The following MRPS23 variants were observed in gnomAD, a reference collection of about 807,000 sequenced individuals.
MRPS23 encodes mitochondrial ribosomal protein S23, also known as small ribosomal subunit protein mS23.
In MRPS23, 14 loss-of-function variants were observed where a neutral mutation model predicts 19.8. The observed-to-expected ratio is 0.71, with a 90% confidence interval of 0.47 to 1.11. MRPS23 has a LOEUF of 1.11. Ranked by LOEUF, MRPS23 falls within the 50% of genes least tolerant of loss-of-function variation. The pLI is 0.00. For missense variants in MRPS23, 242 were observed against 236.7 expected (o/e 1.02, Z -0.15); for synonymous variants, 113 against 89.7 (o/e 1.26, Z -1.47).
rs2073711258 is a variant in MRPS23, at chr17:57,837,268, T to C, written c.*2515A>G. The C allele has an allele frequency of 6.6e-6, 1 of 152,210 alleles. No homozygotes were observed. The highest frequency in any genetic ancestry group is 2.4e-5 in the African/African-American group (1 of 41,452). 9.4% of individuals were successfully genotyped at this position (152,210 alleles called of 1,614,324 possible). A position where few individuals can be genotyped will look rare whatever the true frequency, so the allele number is the denominator to read the frequency against. On this transcript the variant is annotated 3_prime_UTR_variant, in exon 5 of 5. Transcript: ENST00000313608. Reference sequence around the variant, plus strand: ...GATCAGAATGTGTAGGGGAACGCATTCTCATACATTGCTATGAGAGTATAG... The same window carrying C: ...GATCAGAATGTGTAGGGGAACGCATCCTCATACATTGCTATGAGAGTATAG...
At position 57,840,956 on chromosome 17, in the gene MRPS23, G is replaced by A. The variant is rs1003867004; in HGVS notation, c.390C>T (p.Val130=). 2 of 1,614,140 alleles carry A rather than the reference G, an allele frequency of 1.2e-6. No individual in the cohort carries two copies. Among genetic ancestry groups the A allele is most frequent in the Non-Finnish European group, 1.7e-6 (2 of 1,180,028 alleles). Residue 130 remains valine (V), a synonymous_variant, in exon 4 of 5, where the codon GTC becomes GTT. Transcript: ENST00000313608. The part of the protein sequence containing the change: ...ETGKALLAEG[V]ILRRVGEART... ...TTGCTTCGCCTACTCGTCTTAAAATGACACCTTCTGCCAATAAAGCCTTCC... is the reference window on the plus strand; with the variant it reads ...TTGCTTCGCCTACTCGTCTTAAAATAACACCTTCTGCCAATAAAGCCTTCC...
At chr17:57,845,644 C>T (rs921804007) in intron 2 of MRPS23, among the ~76,000 whole-genome samples, 3 of 152,116 alleles carry the variant, frequency 2.0e-5, no homozygotes, top group Non-Finnish European at 2.9e-5. Context: ...CTAAATGTGG[C>T]CATAGAAGTG....
In MRPS23 at chr17:57,838,289, C is replaced by CAAAAAAAACAAAA. The variant is rs2073718817; in HGVS notation, c.*1493_*1494insTTTTGTTTTTTTT. 1 of 29,406 alleles carries CAAAAAAAACAAAA rather than the reference C, an allele frequency of 3.4e-5. No homozygotes were observed. The highest frequency in any genetic ancestry group is 6.8e-5 in the Non-Finnish European group (1 of 14,796). 1.8% of individuals were successfully genotyped at this position (29,406 alleles called of 1,614,324 possible). A position where few individuals can be genotyped will look rare whatever the true frequency, so the allele number is the denominator to read the frequency against. ...TGGGAAACAAAGTGATACTCCATCGCAAAAAAAAAAAAAAAAAAAAAAAAA... is the reference window on the plus strand; with the variant it reads ...TGGGAAACAAAGTGATACTCCATCGCAAAAAAAACAAAAAAAAAAAAAAAAAAAAAAAAAAAAA... On this transcript the variant is annotated 3_prime_UTR_variant, in exon 5 of 5. Coordinates refer to ENST00000313608, the MANE Select transcript of MRPS23 (RefSeq NM_016070.4).
chr17:57,843,240 G>A (rs1334368672), intron 2 of MRPS23, among the ~76,000 whole-genome samples: 1 of 144,068 alleles, frequency 6.9e-6, no homozygotes, highest in Non-Finnish European at 1.5e-5. Flanking sequence ...AGGCACCACT[G>A]CATCCCAGTC....
At position 57,842,889 on chromosome 17, in the gene MRPS23, TATACACACACAC is replaced by T. The variant is rs1332278066; in HGVS notation, c.216-1641_216-1630del. 2.3e-3 allele frequency among the ~76,000 whole-genome samples: 230 copies of T among 98,432 alleles called. 1 individual carries two copies. Among genetic ancestry groups the T allele is most frequent in the Non-Finnish European group, 3.0e-3 (156 of 51,670 alleles). The allele number at this position is 98,432 out of a possible 152,430, so 64.6% of individuals were successfully genotyped here. ...TAAAAAAAAAAAAAAAATATATATA[TATACACACACAC>T]ACACACACACACACACACACACACA... On this transcript the variant is annotated intron_variant, in intron 2 of 4. Transcript: ENST00000313608.
Position 57,850,015 on chromosome 17 carries a change from T to C in MRPS23, c.-5A>G, listed in dbSNP as rs750665058. ...TTCCAGCCGGCTGCCTGCCATGATCTGCGCCTGGTACCGAGCGTGACTAGC... is the reference window on the plus strand; with the variant it reads ...TTCCAGCCGGCTGCCTGCCATGATCCGCGCCTGGTACCGAGCGTGACTAGC... On this transcript the variant is annotated 5_prime_UTR_variant, in exon 1 of 5. Transcript: ENST00000313608. 9 of 1,592,520 alleles carry C rather than the reference T, an allele frequency of 5.7e-6. No individual in the cohort carries two copies. In the East Asian group the frequency reaches 1.8e-4, roughly 32 times the overall value.
At chr17:57,847,538 T>C (rs1221132306) in intron 2 of MRPS23, among the ~76,000 whole-genome samples, 1 of 148,600 alleles carries the variant, frequency 6.7e-6, no homozygotes, top group Non-Finnish European at 1.5e-5. Flanking sequence ...GGTGGGCGCC[T>C]GTAGTCCCAG....
Position 57,840,929 on chromosome 17 carries a change from C to T in MRPS23, c.417G>A (p.Arg139=), listed in dbSNP as rs753923225. The T allele has an allele frequency of 3.1e-6, 5 of 1,614,080 alleles. No homozygotes were observed. The highest frequency in any genetic ancestry group is 4.2e-6 in the Non-Finnish European group (5 of 1,179,982). ...GVILRRVGEA[R]TQHGGSHVSR... ...ATTTTAACAATGAAATACTCACAGTCCTTGCTTCGCCTACTCGTCTTAAAA... is the reference window on the plus strand; with the variant it reads ...ATTTTAACAATGAAATACTCACAGTTCTTGCTTCGCCTACTCGTCTTAAAA... The change falls in exon 4 of 5, where the codon AGG becomes AGA. Residue 139 remains arginine, a synonymous_variant. Coordinates refer to ENST00000313608, the MANE Select transcript of MRPS23 (RefSeq NM_016070.4).
chr17:57,845,363 C>A lies in MRPS23; in HGVS notation c.215+3877G>T, dbSNP rs140856235. Among the ~76,000 whole-genome samples, 775 of 152,164 alleles carry A rather than the reference C, an allele frequency of 5.1e-3. 3 individuals are homozygous for A. Among genetic ancestry groups the A allele is most frequent in the South Asian group, 0.013 (63 of 4,814 alleles). On this transcript the variant is annotated intron_variant, in intron 2 of 4. Coordinates refer to ENST00000313608, the MANE Select transcript of MRPS23 (RefSeq NM_016070.4). ...TTAAATGAGTGTTGGTGTTGGGGGT[C>A]CCGGGGTGAAAGCCTGGGCCCCAAT...
intron 2 of MRPS23, among the ~76,000 whole-genome samples, chr17:57,843,133 A>T (rs1375034162): frequency 6.6e-6 from 1 of 152,008 alleles, no homozygotes; most frequent in Non-Finnish European, 1.5e-5. Flanking sequence ...AAAATTAGCC[A>T]GGAATGGTGG....
In MRPS23 at chr17:57,838,398, T is replaced by G. The variant is rs1210181110; in HGVS notation, c.*1385A>C. ...CCAGACATGAAGGAAAAAAACATTT[T>G]TTAAATATTCATCATTGTGGCAAAA... On this transcript the variant is annotated 3_prime_UTR_variant, in exon 5 of 5. Transcript: ENST00000313608. The G allele has an allele frequency of 6.6e-6, 1 of 150,884 alleles. No individual in the cohort carries two copies. The highest frequency in any genetic ancestry group is 1.9e-4 in the East Asian group (1 of 5,190). 9.3% of individuals were successfully genotyped at this position (150,884 alleles called of 1,614,324 possible). A position where few individuals can be genotyped will look rare whatever the true frequency, so the allele number is the denominator to read the frequency against.
Position 57,849,429 on chromosome 17 carries a change from C to G in MRPS23, c.45-19G>C. On this transcript the variant is annotated intron_variant, in intron 1 of 4. Transcript: ENST00000313608. ...CCGAGTCCTTAGGGAGGGAACAGAACGAAACTGGGTCACTTGCAGTAGCCT... is the reference window on the plus strand; with the variant it reads ...CCGAGTCCTTAGGGAGGGAACAGAAGGAAACTGGGTCACTTGCAGTAGCCT... The G allele has an allele frequency of 2.5e-6, 4 of 1,611,224 alleles. No individual in the cohort carries two copies. Among genetic ancestry groups the G allele is most frequent in the African/African-American group, 1.3e-5 (1 of 74,964 alleles).
rs141861825 is a variant in MRPS23 at position 57,849,228 on chromosome 17, C to T, written c.215+12G>A. On this transcript the variant is annotated intron_variant, in intron 2 of 4. Coordinates refer to ENST00000313608, the MANE Select transcript of MRPS23 (RefSeq NM_016070.4). The stretch of plus-strand genomic sequence containing the variant: ...CTGTTGCCTCCTGTCCACTACAGGG[C>T]TGAGCACTCACGCTCTAATCCGATC... The T allele has an allele frequency of 6.2e-7, 1 of 1,613,842 alleles. No homozygotes were observed. The highest frequency in any genetic ancestry group is 8.5e-7 in the Non-Finnish European group (1 of 1,179,842).
intron 2 of MRPS23, among the ~76,000 whole-genome samples, chr17:57,843,338 T>C (rs909783693): frequency 2.0e-5 from 3 of 152,032 alleles, no homozygotes; most frequent in African/African-American, 7.2e-5. Flanking sequence ...GCCAACCTAA[T>C]AGGTAAGAAA....
Position 57,838,732 on chromosome 17 carries a change from C to A in MRPS23, c.*1051G>T, listed in dbSNP as rs1293662764. On this transcript the variant is annotated 3_prime_UTR_variant, in exon 5 of 5. Transcript: ENST00000313608. Reference sequence around the variant, plus strand: ...TTCACCTGCATGAACCAAGCACCCACGTGCATGGATGTGTACTATATACAG... The same window carrying A: ...TTCACCTGCATGAACCAAGCACCCAAGTGCATGGATGTGTACTATATACAG... 1.3e-5 allele frequency: 2 copies of A among 152,270 alleles called. No homozygotes were observed. The highest frequency in any genetic ancestry group is 2.9e-5 in the Non-Finnish European group (2 of 68,054). The allele number at this position is 152,270 out of a possible 1,614,324, so 9.4% of individuals were successfully genotyped here.
chr17:57,845,608 A>T (rs1211112935), intron 2 of MRPS23, among the ~76,000 whole-genome samples: 2 of 152,234 alleles, frequency 1.3e-5, no homozygotes, highest in African/African-American at 4.8e-5. Flanking sequence ...CCACTTACTT[A>T]GATCTTACAT....
Position 57,836,772 on chromosome 17 carries a change from G to C in MRPS23, c.*3011C>G, listed in dbSNP as rs2073708627. 3 of 152,070 alleles carry C rather than the reference G, an allele frequency of 2.0e-5. No homozygotes were observed. The highest frequency in any genetic ancestry group is 7.2e-5 in the African/African-American group (3 of 41,388). 9.4% of individuals were successfully genotyped at this position (152,070 alleles called of 1,614,324 possible). A position where few individuals can be genotyped will look rare whatever the true frequency, so the allele number is the denominator to read the frequency against. On this transcript the variant is annotated 3_prime_UTR_variant, in exon 5 of 5. Transcript: ENST00000313608. ...CTCAACTGCAGCCTCTGCCTCCTGG[G>C]TTCCAGCGATTCTCCTGCCTCAGCC...
In MRPS23 at chr17:57,838,944, T is replaced by C. The variant is rs1453194599; in HGVS notation, c.*839A>G. 1 of 152,262 alleles carries C rather than the reference T, an allele frequency of 6.6e-6. No individual in the cohort carries two copies. The highest frequency in any genetic ancestry group is 1.5e-5 in the Non-Finnish European group (1 of 68,062). 9.4% of individuals were successfully genotyped at this position (152,262 alleles called of 1,614,324 possible). A position where few individuals can be genotyped will look rare whatever the true frequency, so the allele number is the denominator to read the frequency against. ...TGCAATCTCAGAGGGATATTTCATG[T>C]ATTTAGTAAAACCTGGGGAAACGAG... On this transcript the variant is annotated 3_prime_UTR_variant, in exon 5 of 5. Coordinates refer to ENST00000313608, the MANE Select transcript of MRPS23 (RefSeq NM_016070.4).
chr17:57,849,033 C>T (rs114964570), intron 2 of MRPS23: 15 of 610,102 alleles, frequency 2.5e-5, no homozygotes, highest in African/African-American at 2.4e-4. Context: ...TTGCAATGAT[C>T]TTTCGGTTGC....
Sources: gnomAD v4.1 joint callset for allele counts (sites outside exome capture counted in the v4.1 genomes callset) on GRCh38, gnomAD v4.1.1 for gene constraint, MANE v1.5 for transcripts, NCBI Gene and HGNC (gene_info 2026-07-23, HGNC 2026-07-21) for gene names.